Variants in DST observed in about 807,000 individuals in gnomAD.
DST encodes the protein dystonin.
In DST, 253 loss-of-function variants were observed where a neutral mutation model predicts 875.2. The observed-to-expected ratio is 0.29, with a 90% CI of 0.26 to 0.32. DST has a LOEUF of 0.32. Ranked by LOEUF, DST falls within the 10% of genes least tolerant of loss-of-function variation. The pLI, the probability that DST is intolerant of heterozygous loss-of-function variation, is 1.00. For synonymous variants in DST, 3,124 were observed against 3,197.1 expected (o/e 0.98, Z 0.77); for missense variants, 8,287 against 9,111.6 (o/e 0.91, Z 3.68).
chr6:56,514,622 C>T (rs1318500056), intron 72 of DST, among the ~76,000 whole-genome samples: 1 of 150,418 alleles, frequency 6.6e-6, no homozygotes, highest in Non-Finnish European at 1.5e-5. Flanking sequence ...CCCCCTCATG[C>T]GCATACACAC....
intron 3 of DST, among the ~76,000 whole-genome samples, chr6:56,883,056 TG>T (rs1444205306): frequency 6.6e-6 from 1 of 152,124 alleles, no homozygotes; most frequent in Admixed American, 6.6e-5. Flanking sequence ...TTAGTAGAGA[TG>T]GGGTTTCACC....
chr6:56,662,134 G>A (rs2099046540), intron 10 of DST, among the ~76,000 whole-genome samples: 2 of 152,144 alleles, frequency 1.3e-5, no homozygotes, highest in African/African-American at 2.4e-5. Context: ...CTGCTAAAAG[G>A]TAATTAACAA....
chr6:56,471,976 A>T, intron 94 of DST, 83 bp downstream of exon 94: 1 of 1,442,538 alleles, frequency 6.9e-7, no homozygotes, highest in Non-Finnish European at 9.8e-7. Flanking sequence ...AAGTTAAAAA[A>T]TACCAAGATT....
chr6:56,481,200 A>G (rs2095389210), intron 90 of DST, among the ~76,000 whole-genome samples: 1 of 152,210 alleles, frequency 6.6e-6, no homozygotes, highest in African/African-American at 2.4e-5. Flanking sequence ...ATGCTACACT[A>G]GAATTAATGA....
At chr6:56,532,574 T>C (rs2096915193) in intron 63 of DST, 64 bp from the exon 64 acceptor site, 2 of 1,404,742 alleles carry the variant, frequency 1.4e-6, no homozygotes, top group Non-Finnish European at 1.9e-6. Context: ...AAGTACAATG[T>C]ATTCTAAGTA....
intron 63 of DST, among the ~76,000 whole-genome samples, chr6:56,534,525 C>T (rs1481229015): frequency 1.3e-5 from 2 of 152,166 alleles, no homozygotes; most frequent in African/African-American, 4.8e-5. Flanking sequence ...GCACATTCCT[C>T]AGCATATATG....
chr6:56,926,833 A>G (rs1807393130), intron 2 of DST, among the ~76,000 whole-genome samples: 1 of 152,210 alleles, frequency 6.6e-6, no homozygotes, highest in Non-Finnish European at 1.5e-5. Context: ...CCTCAGGAAT[A>G]CATGTACTTG....
chr6:56,803,776 C>T (rs1342306664), intron 4 of DST, among the ~76,000 whole-genome samples: 1 of 152,172 alleles, frequency 6.6e-6, no homozygotes, highest in Non-Finnish European at 1.5e-5. Context: ...CTTAGAACAA[C>T]TCCCTAGGGA....
rs1187321616 is a variant in DST, at chr6:56,574,288, A to C, written c.13028-401T>G. ...TGAAAATTACTTTCGGAGGAAAAAA[A>C]GGTGAGTCACACACAGCCATTCTCA... On this transcript the variant is annotated intron_variant, in intron 50 of 103. Transcript: ENST00000680361. 2.6e-5 allele frequency among the ~76,000 whole-genome samples: 4 copies of C among 152,302 alleles called. No individual in the cohort carries two copies. In the South Asian group the frequency reaches 8.3e-4, roughly 32 times the overall value.
chr6:56,613,508 G>A (rs1411206124), intron 37 of DST, among the ~76,000 whole-genome samples: 1 of 152,214 alleles, frequency 6.6e-6, no homozygotes, highest in African/African-American at 2.4e-5. Context: ...AGAAGTGGGA[G>A]CTAAACATTA....
chr6:56,560,146 T>C, intron 58 of DST, 148 bp downstream of exon 58: 2 of 752,476 alleles, frequency 2.7e-6, no homozygotes, highest in Non-Finnish European at 4.0e-6. Flanking sequence ...TAATTTGAAA[T>C]GACACTTTAT....
chr6:56,506,141 A>T (rs2096304218), intron 77 of DST, among the ~76,000 whole-genome samples: 1 of 152,202 alleles, frequency 6.6e-6, no homozygotes, highest in South Asian at 2.1e-4. Flanking sequence ...TATAAAAAAC[A>T]CTGTGTGAGA....
chr6:56,585,247 T>G (rs1357713116), intron 49 of DST, among the ~76,000 whole-genome samples: 1 of 152,220 alleles, frequency 6.6e-6, no homozygotes, highest in African/African-American at 2.4e-5. Flanking sequence ...GTTGGTAAGC[T>G]ATTGATTATT....
At chr6:56,814,614 A>C (rs2099764447) in intron 4 of DST, among the ~76,000 whole-genome samples, 1 of 152,188 alleles carries the variant, frequency 6.6e-6, no homozygotes, top group Non-Finnish European at 1.5e-5. Flanking sequence ...TGTCACAGCA[A>C]GTTACAGCTG....
At chr6:56,614,600 C>T (rs2098594505) in intron 36 of DST, 116 bp from the exon 37 acceptor site, 2 of 1,323,392 alleles carry the variant, frequency 1.5e-6, no homozygotes, top group East Asian at 5.8e-5. Context: ...ACACAGGTTA[C>T]TAAAACATTT....
chr6:56,469,232 TTGA>T (rs1457479619), intron 97 of DST, among the ~76,000 whole-genome samples: 1 of 152,098 alleles, frequency 6.6e-6, no homozygotes, highest in East Asian at 1.9e-4. Context: ...TTTGAATACA[TTGA>T]TGATTATTTT....
chr6:56,616,543 T>A (rs777434572), intron 36 of DST: 2 of 1,614,186 alleles, frequency 1.2e-6, no homozygotes, highest in South Asian at 2.2e-5. Context: ...ATACACACAT[T>A]CGCAGTAATT....
intron 3 of DST, among the ~76,000 whole-genome samples, chr6:56,855,575 C>T (rs1262841108): frequency 6.6e-6 from 1 of 152,220 alleles, no homozygotes; most frequent in Non-Finnish European, 1.5e-5. Flanking sequence ...GGCAGACCCA[C>T]TGAGTACCTT....
chr6:56,755,042 T>TA (rs2099598195), intron 4 of DST, among the ~76,000 whole-genome samples: 1 of 150,270 alleles, frequency 6.7e-6, no homozygotes, highest in South Asian at 2.1e-4. Context: ...TCCAGGACTA[T>TA]AAAAAATACC....
Sources: allele counts gnomAD v4.1 joint callset (sites outside exome capture counted in the v4.1 genomes callset), GRCh38; gene constraint gnomAD v4.1.1; transcripts MANE v1.5; gene names NCBI Gene and HGNC (gene_info 2026-07-23, HGNC 2026-07-21).